The following PTPRT variants were observed in gnomAD, a reference collection of about 807,000 sequenced individuals.
PTPRT encodes the protein receptor-type tyrosine-protein phosphatase T.
In PTPRT, 56 loss-of-function variants were observed where a neutral mutation model predicts 176.8. The ratio of observed to expected loss-of-function variants is 0.32; its 90% CI spans 0.26 to 0.40. The LOEUF is 0.40. Ranked by LOEUF, PTPRT falls within the 10% of genes least tolerant of loss-of-function variation. The probability of loss-of-function intolerance (pLI) is 1.00; values close to 1 mark genes in which losing one functional copy is unlikely to be tolerated. For synonymous variants in PTPRT, 783 were observed against 739.0 expected, an observed-to-expected ratio of 1.06 and a Z score of -0.96; for missense variants, 1,540 against 1,908.2, an observed-to-expected ratio of 0.81 and a Z score of 3.60.
intron 6 of PTPRT, among the ~76,000 whole-genome samples, chr20:42,738,809 C>T (rs887840826): frequency 2.0e-5 from 3 of 151,968 alleles, no homozygotes; most frequent in Non-Finnish European, 2.9e-5. Flanking sequence ...CAGTGGCTCA[C>T]GCCTGTAATC....
intron 12 of PTPRT, among the ~76,000 whole-genome samples, chr20:42,291,732 C>G (rs758994708): frequency 6.6e-6 from 1 of 152,036 alleles, no homozygotes; most frequent in Admixed American, 6.6e-5. Flanking sequence ...TGAAGACATA[C>G]AAAATTCTGG....
intron 1 of PTPRT, among the ~76,000 whole-genome samples, chr20:43,107,197 C>A (rs921790296): frequency 6.6e-6 from 1 of 151,934 alleles, no homozygotes; most frequent in African/African-American, 2.4e-5. Flanking sequence ...GCCAGATGAC[C>A]CAAACCCTCC....
chr20:43,049,817 A>G (rs953531840), intron 1 of PTPRT, among the ~76,000 whole-genome samples: 2 of 152,142 alleles, frequency 1.3e-5, no homozygotes, highest in Non-Finnish European at 2.9e-5. Context: ...ATATATCCTA[A>G]ATGAGATAGG....
chr20:42,948,057 C>T (rs1980999775), intron 1 of PTPRT, among the ~76,000 whole-genome samples: 2 of 152,204 alleles, frequency 1.3e-5, no homozygotes, highest in African/African-American at 4.8e-5. Flanking sequence ...ATGCTGACCA[C>T]TCTCTCCCTC....
intron 2 of PTPRT, among the ~76,000 whole-genome samples, chr20:42,842,038 A>T (rs1355462): frequency 0.12 from 18,142 of 152,086 alleles, 1,534 homozygotes; most frequent in African/African-American, 0.23. Flanking sequence ...AGTAATTTTT[A>T]AAAAAAATTC....
At chr20:42,810,996 C>G (rs1220560227) in intron 2 of PTPRT, among the ~76,000 whole-genome samples, 4 of 152,114 alleles carry the variant, frequency 2.6e-5, no homozygotes, top group African/African-American at 9.7e-5. Flanking sequence ...TTAAAAGTGG[C>G]AGAAAATTGA....
intron 15 of PTPRT, among the ~76,000 whole-genome samples, chr20:42,222,134 C>G (rs1452068228): frequency 3.3e-5 from 5 of 152,218 alleles, no homozygotes; most frequent in Admixed American, 3.3e-4. Flanking sequence ...TTACCAGCCT[C>G]TTTCAGAATC....
intron 15 of PTPRT, among the ~76,000 whole-genome samples, chr20:42,216,162 A>C (rs1285486772): frequency 2.6e-5 from 4 of 152,172 alleles, no homozygotes; most frequent in Non-Finnish European, 5.9e-5. Context: ...CCAGGACTCC[A>C]GGGTGATCTC....
intron 25 of PTPRT, 41 bp from the exon 26 acceptor site, chr20:42,102,338 G>A: frequency 5.7e-6 from 9 of 1,588,156 alleles, no homozygotes; most frequent in Non-Finnish European, 6.9e-6. Context: ...CTGCTCATTT[G>A]GCTGCCCCTG....
intron 13 of PTPRT, among the ~76,000 whole-genome samples, chr20:42,274,761 A>G (rs1296162963): frequency 1.3e-5 from 2 of 152,176 alleles, no homozygotes; most frequent in Admixed American, 1.3e-4. Flanking sequence ...ATTAGCTTCA[A>G]TATGTTGTGG....
intron 7 of PTPRT, among the ~76,000 whole-genome samples, chr20:42,642,412 G>T (rs1230562383): frequency 3.9e-5 from 6 of 152,150 alleles, no homozygotes; most frequent in African/African-American, 7.2e-5. Context: ...TGACTTATTT[G>T]TTAAATGGAG....
chr20:42,629,925 C>A (rs572811302), intron 7 of PTPRT, among the ~76,000 whole-genome samples: 1 of 152,316 alleles, frequency 6.6e-6, no homozygotes, highest in South Asian at 2.1e-4. Context: ...TACAGAGTCT[C>A]AGCTGTGATT....
intron 2 of PTPRT, among the ~76,000 whole-genome samples, chr20:42,809,605 G>A (rs1040684069): frequency 1.3e-5 from 2 of 152,126 alleles, no homozygotes; most frequent in Non-Finnish European, 2.9e-5. Context: ...AAGGTGGGTC[G>A]GCAGGGCCGT....
At chr20:42,786,810 G>C (rs1040069324) in intron 3 of PTPRT, among the ~76,000 whole-genome samples, 2 of 152,210 alleles carry the variant, frequency 1.3e-5, no homozygotes, top group African/African-American at 4.8e-5. Flanking sequence ...TATGTCTACA[G>C]TCAATGATAC....
chr20:42,653,055 T>C (rs955951718), intron 7 of PTPRT, among the ~76,000 whole-genome samples: 2 of 152,160 alleles, frequency 1.3e-5, no homozygotes, highest in Admixed American at 1.3e-4. Context: ...CCAAATCTCA[T>C]CTTGAACTGT....
chr20:42,596,671 G>T (rs1346987982), intron 7 of PTPRT, among the ~76,000 whole-genome samples: 1 of 152,104 alleles, frequency 6.6e-6, no homozygotes, highest in Admixed American at 6.5e-5. Flanking sequence ...CCAAAAATAG[G>T]CAAAGGCCAT....
chr20:42,289,591 G>A (rs2057286605), intron 12 of PTPRT, among the ~76,000 whole-genome samples: 1 of 152,046 alleles, frequency 6.6e-6, no homozygotes, highest in Non-Finnish European at 1.5e-5. Context: ...TCTCATACCA[G>A]TCAGAATGGC....
intron 1 of PTPRT, among the ~76,000 whole-genome samples, chr20:43,000,390 T>A (rs1246647128): frequency 6.6e-6 from 1 of 150,812 alleles, no homozygotes; most frequent in Non-Finnish European, 1.5e-5. Flanking sequence ...ATGCAGCACA[T>A]CTGGGGTGAA....
intron 13 of PTPRT, among the ~76,000 whole-genome samples, chr20:42,269,304 C>T (rs2056891124): frequency 6.6e-6 from 1 of 152,194 alleles, no homozygotes; most frequent in African/African-American, 2.4e-5. Context: ...CAGGAGTGAA[C>T]TGTGAAGGTA....
Sources: gnomAD v4.1 joint callset for allele counts (sites outside exome capture counted in the v4.1 genomes callset) on GRCh38, gnomAD v4.1.1 for gene constraint, MANE v1.5 for transcripts, NCBI Gene and HGNC (gene_info 2026-07-23, HGNC 2026-07-21) for gene names.